EYA2: variants seen among roughly 807,000 people sequenced by gnomAD.
The protein encoded by EYA2 is EYA transcriptional coactivator and phosphatase 2.
In EYA2, 31 loss-of-function variants were observed where a neutral mutation model predicts 69.2. The observed-to-expected ratio is 0.45, with a 90% confidence interval of 0.34 to 0.60. EYA2 has a LOEUF of 0.60. Among genes scored for constraint, EYA2 ranks in the 20% least tolerant of loss-of-function variants. EYA2 has a pLI of 0.02. For synonymous variants in EYA2, 257 were observed against 279.4 expected (o/e 0.92, Z 0.80); for missense variants, 622 against 701.2 (o/e 0.89, Z 1.28).
chr20:46,908,012 G>C (rs1984447718), intron 1 of EYA2, among the ~76,000 whole-genome samples: 2 of 152,152 alleles, frequency 1.3e-5, no homozygotes, highest in Non-Finnish European at 2.9e-5. Context: ...TCAGTGGCAA[G>C]GTGCACAGAC....
chr20:47,116,003 G>T (rs2032880204), intron 9 of EYA2, among the ~76,000 whole-genome samples: 1 of 152,130 alleles, frequency 6.6e-6, no homozygotes, highest in Non-Finnish European at 1.5e-5. Flanking sequence ...AGTCTAACCA[G>T]TGTTGCCTGT....
chr20:47,159,314 C>T (rs898671374), intron 10 of EYA2, among the ~76,000 whole-genome samples: 1 of 151,932 alleles, frequency 6.6e-6, no homozygotes, highest in Admixed American at 6.6e-5. Context: ...TTCCCAAAAC[C>T]CAGGAACCCG....
intron 9 of EYA2, among the ~76,000 whole-genome samples, chr20:47,126,833 G>A (rs575217565): frequency 1.3e-5 from 2 of 152,258 alleles, no homozygotes; most frequent in African/African-American, 4.8e-5. Flanking sequence ...TGAATTTAGT[G>A]GGTAGAGGCC....
chr20:47,072,256 G>C lies in EYA2; in HGVS notation c.483+4G>C, dbSNP rs6124937. 3.1e-6 allele frequency: 5 copies of C among 1,609,616 alleles called. No individual in the cohort carries two copies. The African/African-American group carries it at 6.7e-5, about 21-fold the overall frequency. On this transcript the variant is annotated splice_donor_region_variant and intron_variant, in intron 6 of 15. Coordinates refer to ENST00000327619, the MANE Select transcript of EYA2 (RefSeq NM_005244.5). ...CGGTTTCGGGAGTGTGCACCAGGTA[G>C]ACATGGCTCCCTCCCGATTCTTTCC...
chr20:46,959,268 A>C (rs545208757), intron 1 of EYA2, among the ~76,000 whole-genome samples: 2 of 152,248 alleles, frequency 1.3e-5, no homozygotes. Context: ...CATTGTGTAC[A>C]TAGAGCCCTT....
intron 5 of EYA2, among the ~76,000 whole-genome samples, chr20:47,041,139 GC>G (rs1600663389): frequency 6.6e-6 from 1 of 152,100 alleles, no homozygotes; most frequent in Admixed American, 6.5e-5. Context: ...AAGCAGTCCC[GC>G]CCCTGCGAGT....
intron 5 of EYA2, among the ~76,000 whole-genome samples, chr20:47,058,759 G>A (rs2146449314): frequency 6.6e-6 from 1 of 152,278 alleles, no homozygotes; most frequent in Non-Finnish European, 1.5e-5. Flanking sequence ...AGAATCAATT[G>A]AGCCCAGGAA....
At chr20:47,148,426 A>G (rs770586361) in intron 10 of EYA2, among the ~76,000 whole-genome samples, 7 of 152,158 alleles carry the variant, frequency 4.6e-5, no homozygotes, top group Admixed American at 2.6e-4. Flanking sequence ...TGGGGGTTCT[A>G]TGGTACCAGG....
intron 10 of EYA2, among the ~76,000 whole-genome samples, chr20:47,149,658 C>T (rs2033780070): frequency 7.3e-6 from 1 of 137,132 alleles, no homozygotes; most frequent in Middle Eastern, 4.2e-3. Context: ...GCCTCGCCAA[C>T]ATGGCAAAAC....
intron 12 of EYA2, among the ~76,000 whole-genome samples, chr20:47,173,110 C>T (rs1282891761): frequency 2.6e-5 from 4 of 152,070 alleles, no homozygotes; most frequent in Admixed American, 1.3e-4. Context: ...CCACAAATGG[C>T]GCGGGGTGGA....
chr20:47,103,382 G>A (rs898621411), intron 9 of EYA2, among the ~76,000 whole-genome samples: 2 of 152,104 alleles, frequency 1.3e-5, no homozygotes, highest in African/African-American at 2.4e-5. Context: ...CCGTGTTGTA[G>A]CATGTATCAG....
At chr20:47,082,051 G>T (rs1422800768) in intron 7 of EYA2, among the ~76,000 whole-genome samples, 1 of 151,850 alleles carries the variant, frequency 6.6e-6, no homozygotes, top group Non-Finnish European at 1.5e-5. Context: ...CGTTGGTCAG[G>T]CTGGTCTCAA....
intron 1 of EYA2, among the ~76,000 whole-genome samples, chr20:46,905,149 GTTA>G (rs139134423): frequency 4.6e-5 from 7 of 151,924 alleles, no homozygotes; most frequent in African/African-American, 1.7e-4. Flanking sequence ...GCTCACAGGA[GTTA>G]TTATGTGACA....
chr20:47,012,618 T>A (rs1014152155), intron 4 of EYA2, among the ~76,000 whole-genome samples: 1 of 152,190 alleles, frequency 6.6e-6, no homozygotes, highest in African/African-American at 2.4e-5. Context: ...CTCAGCTTCC[T>A]GAGTAGCTGG....
chr20:47,046,424 G>T (rs1047949854), intron 5 of EYA2, among the ~76,000 whole-genome samples: 8 of 152,134 alleles, frequency 5.3e-5, no homozygotes, highest in Admixed American at 3.9e-4. Context: ...GCTAGTGGGG[G>T]AACCAGCATG....
At chr20:47,136,015 T>A (rs915184812) in intron 9 of EYA2, among the ~76,000 whole-genome samples, 1 of 151,556 alleles carries the variant, frequency 6.6e-6, no homozygotes, top group African/African-American at 2.4e-5. Context: ...AGTAGACCTG[T>A]CTCAAAAAAG....
intron 7 of EYA2, among the ~76,000 whole-genome samples, chr20:47,084,585 A>G (rs1024343081): frequency 1.3e-5 from 2 of 152,222 alleles, no homozygotes; most frequent in African/African-American, 4.8e-5. Flanking sequence ...ATTTGAACAG[A>G]TGATAGATGC....
Position 47,001,448 on chromosome 20 carries a change from C to CT in EYA2, c.131dup (p.Arg45GlufsTer178). On this transcript the variant is annotated frameshift_variant, in exon 3 of 16. Transcript: ENST00000327619. LOFTEE classifies it high-confidence loss of function. ...TGCAGGCATCACCAAATCGGCCCCC[C>CT]TGAGAGTGTCCCAGCTCTTCTCCAG... 6.2e-7 allele frequency: 1 copy of CT among 1,614,206 alleles called. No individual in the cohort carries two copies. The highest frequency in any genetic ancestry group is 8.5e-7 in the Non-Finnish European group (1 of 1,180,026).
intron 1 of EYA2, among the ~76,000 whole-genome samples, chr20:46,972,817 T>C (rs768154864): frequency 3.9e-5 from 6 of 152,224 alleles, no homozygotes; most frequent in Non-Finnish European, 5.9e-5. Flanking sequence ...CCTCACAGTC[T>C]GGTTGGGAGT....
Sources: gnomAD v4.1 joint callset for allele counts (sites outside exome capture counted in the v4.1 genomes callset) on GRCh38, gnomAD v4.1.1 for gene constraint, MANE v1.5 for transcripts, NCBI Gene and HGNC (gene_info 2026-07-23, HGNC 2026-07-21) for gene names.